TMC7: variants seen among roughly 807,000 people sequenced by gnomAD.
The protein encoded by TMC7 is transmembrane channel-like protein 7.
TMC7 carries 54 observed loss-of-function variants against 82.9 expected under a neutral mutation model. That is an observed-to-expected ratio of 0.65 (90% CI 0.52 to 0.82). The LOEUF (loss-of-function observed/expected upper bound fraction) is 0.82. TMC7 is among the 40% of genes least tolerant of loss of function. The pLI is 0.00. For missense variants in TMC7, 820 were observed against 901.2 expected (o/e 0.91, Z 1.15); for synonymous variants, 350 against 337.9 (o/e 1.04, Z -0.39).
At chr16:19,022,362 A>T (rs187212386) in intron 4 of TMC7, among the ~76,000 whole-genome samples, 2 of 152,376 alleles carry the variant, frequency 1.3e-5, no homozygotes, top group East Asian at 3.9e-4. Flanking sequence ...ATACATATAC[A>T]GTCATGTACC....
intron 1 of TMC7, among the ~76,000 whole-genome samples, chr16:19,002,075 C>T (rs1187338144): frequency 6.6e-6 from 1 of 152,092 alleles, no homozygotes; most frequent in Admixed American, 6.6e-5. Context: ...TTAGATCATA[C>T]TTGGCTGGTG....
At position 19,045,355 on chromosome 16, in the gene TMC7, AG is replaced by A; in HGVS notation, c.1471del (p.Val491LeufsTer8). 6.2e-7 allele frequency: 1 copy of A among 1,613,982 alleles called. No individual in the cohort carries two copies. The highest frequency in any genetic ancestry group is 8.5e-7 in the Non-Finnish European group (1 of 1,179,926). On this transcript the variant is annotated frameshift_variant, in exon 11 of 16. Transcript: ENST00000304381. LOFTEE classifies it high-confidence loss of function. ...TTTGATTTCAGTGCTGGGAGACCCAAGTTGGGCAGGAAATGTACAAGCTGAT... is the reference window on the plus strand; with the variant it reads ...TTTGATTTCAGTGCTGGGAGACCCAATTGGGCAGGAAATGTACAAGCTGAT... Reference protein sequence around the residue: ...QKLYPCWETQVGQEMYKLMIF... With the variant: ...QKLYPCWETQXGQEMYKLMIF...
intron 13 of TMC7, among the ~76,000 whole-genome samples, chr16:19,056,328 CACCCGCCT>C (rs1961768966): frequency 6.6e-6 from 1 of 152,026 alleles, no homozygotes; most frequent in Non-Finnish European, 1.5e-5. Flanking sequence ...TCAGGTGATC[CACCCGCCT>C]CGGCCTCCCA....
intron 11 of TMC7, among the ~76,000 whole-genome samples, chr16:19,046,084 C>A (rs1961262102): frequency 6.6e-6 from 1 of 152,054 alleles, no homozygotes; most frequent in African/African-American, 2.4e-5. Context: ...CATTAGTTGC[C>A]CATCTAAAGG....
chr16:18,983,955 G>T lies in TMC7; in HGVS notation c.-109G>T. Reference sequence around the variant, plus strand: ...CCCCACTCCGGCTTCTGTGATGTCAGCGCCGGAACCTGGAATCCCGGCTCC... The same window carrying T: ...CCCCACTCCGGCTTCTGTGATGTCATCGCCGGAACCTGGAATCCCGGCTCC... On this transcript the variant is annotated 5_prime_UTR_variant, in exon 1 of 16. Transcript: ENST00000304381. The T allele has an allele frequency of 8.2e-7, 1 of 1,212,836 alleles. No homozygotes were observed. The highest frequency in any genetic ancestry group is 2.1e-5 in the South Asian group (1 of 48,466). 75.1% of individuals were successfully genotyped at this position (1,212,836 alleles called of 1,614,324 possible). A position where few individuals can be genotyped will look rare whatever the true frequency, so the allele number is the denominator to read the frequency against.
intron 2 of TMC7, among the ~76,000 whole-genome samples, chr16:19,015,109 G>T (rs1008403844): frequency 6.6e-6 from 1 of 151,286 alleles, no homozygotes; most frequent in Non-Finnish European, 1.5e-5. Flanking sequence ...GATTACAGGT[G>T]CCTGCCACCA....
chr16:19,045,015 C>G lies in TMC7; in HGVS notation c.1455+14C>G. 2 of 1,545,264 alleles carry G rather than the reference C, an allele frequency of 1.3e-6. No homozygotes were observed. The highest frequency in any genetic ancestry group is 1.8e-6 in the Non-Finnish European group (2 of 1,119,310). ...AAACTCTACCCGGTGAGTTGCGGGG[C>G]GGGGGCGTTCGGCTGGGTGGGTCCT... On this transcript the variant is annotated intron_variant, in intron 10 of 15. Transcript: ENST00000304381.
chr16:18,992,619 A>G lies in TMC7; in HGVS notation c.67+8489A>G, dbSNP rs143493768. Reference sequence around the variant, plus strand: ...TAGTTTAATTAGATCCCTTTTGTCAATTTTGGCTTCTGTTGCCATTGCTTT... The same window carrying G: ...TAGTTTAATTAGATCCCTTTTGTCAGTTTTGGCTTCTGTTGCCATTGCTTT... On this transcript the variant is annotated intron_variant, in intron 1 of 15. Transcript: ENST00000304381. 6.9e-3 allele frequency among the ~76,000 whole-genome samples: 1,049 copies of G among 152,094 alleles called. 2 individuals are homozygous for G. The highest frequency in any genetic ancestry group is 0.014 in the Middle Eastern group (4 of 294).
At chr16:19,007,499 C>T (rs1239739691) in intron 1 of TMC7, among the ~76,000 whole-genome samples, 7 of 152,124 alleles carry the variant, frequency 4.6e-5, no homozygotes, top group South Asian at 2.1e-4. Context: ...ACTCTTCTGC[C>T]GCTGGGCCTT....
chr16:19,022,943 C>T (rs1269415028), intron 4 of TMC7, among the ~76,000 whole-genome samples, 170 bp from the exon 5 acceptor site: 1 of 152,054 alleles, frequency 6.6e-6, no homozygotes, highest in Admixed American at 6.6e-5. Flanking sequence ...TCGCTTGAAC[C>T]CAGGAGGCAG....
chr16:19,056,914 C>T (rs1342096082), intron 14 of TMC7, among the ~76,000 whole-genome samples: 1 of 151,922 alleles, frequency 6.6e-6, no homozygotes, highest in African/African-American at 2.4e-5. Context: ...CACTTGAGGC[C>T]AGGAGTTCGA....
intron 2 of TMC7, chr16:19,012,158 T>G (rs1451158043): frequency 6.6e-6 from 1 of 151,092 alleles, no homozygotes; most frequent in Non-Finnish European, 1.5e-5. Context: ...AGTATTTTAG[T>G]GCTCCCTTTG....
At chr16:19,036,351 T>C (rs180680187) in intron 7 of TMC7, among the ~76,000 whole-genome samples, 1 of 152,060 alleles carries the variant, frequency 6.6e-6, no homozygotes, top group Admixed American at 6.6e-5. Context: ...CTACTAAAAA[T>C]ACAAAAAATT....
rs911945273 is a variant in TMC7 at position 19,005,060 on chromosome 16, A to C, written c.68-4112A>C. On this transcript the variant is annotated intron_variant, in intron 1 of 15. Coordinates refer to ENST00000304381, the MANE Select transcript of TMC7 (RefSeq NM_024847.4). Reference sequence around the variant, plus strand: ...CGATGCATGTTAAATACTTTATTTTATTTATTTATTTATTTATTTATTTAT... The same window carrying C: ...CGATGCATGTTAAATACTTTATTTTCTTTATTTATTTATTTATTTATTTAT... Among the ~76,000 whole-genome samples the C allele has an allele frequency of 2.0e-4, 11 of 55,512 alleles. No individual in the cohort carries two copies. The South Asian group carries it at 4.7e-3, about 24-fold the overall frequency. The allele number at this position is 55,512 out of a possible 152,430, so 36.4% of individuals were successfully genotyped here. A position where few individuals can be genotyped will look rare whatever the true frequency, so the allele number is the denominator to read the frequency against.
intron 10 of TMC7, 72 bp downstream of exon 10, chr16:19,045,073 C>A: frequency 8.2e-7 from 1 of 1,218,784 alleles, no homozygotes; most frequent in Non-Finnish European, 1.2e-6. Flanking sequence ...AAGAGAACAG[C>A]GGTTGAAGCC....
At chr16:19,052,399 G>A (rs928562675) in intron 13 of TMC7, among the ~76,000 whole-genome samples, 1 of 152,144 alleles carries the variant, frequency 6.6e-6, no homozygotes, top group Non-Finnish European at 1.5e-5. Context: ...GGCTCACTAT[G>A]TTGCCCAGGC....
chr16:19,026,028 G>A (rs551800012), intron 5 of TMC7, among the ~76,000 whole-genome samples: 12 of 151,824 alleles, frequency 7.9e-5, no homozygotes, highest in East Asian at 3.9e-4. Flanking sequence ...CACCTGTCTC[G>A]GCTTCCCAAA....
intron 9 of TMC7, among the ~76,000 whole-genome samples, chr16:19,041,814 C>T (rs1023195928): frequency 6.6e-6 from 1 of 152,194 alleles, no homozygotes; most frequent in African/African-American, 2.4e-5. Context: ...ACAAGGCCCA[C>T]ATGCTGTTTG....
At chr16:19,038,771 GC>G (rs1960875087) in intron 8 of TMC7, among the ~76,000 whole-genome samples, 1 of 151,184 alleles carries the variant, frequency 6.6e-6, no homozygotes, top group Non-Finnish European at 1.5e-5. Flanking sequence ...ACCCACCTTG[GC>G]CTCCCAAAGT....
Sources: gnomAD v4.1 joint callset for allele counts (sites outside exome capture counted in the v4.1 genomes callset) on GRCh38, gnomAD v4.1.1 for gene constraint, MANE v1.5 for transcripts, NCBI Gene and HGNC (gene_info 2026-07-23, HGNC 2026-07-21) for gene names.